PTPN3: variants seen among roughly 807,000 people sequenced by gnomAD.
PTPN3 encodes the protein tyrosine-protein phosphatase non-receptor type 3.
PTPN3 carries 96 observed loss-of-function variants against 132.7 expected under a neutral mutation model. The observed-to-expected ratio is 0.72, with a 90% CI of 0.61 to 0.86. The LOEUF (loss-of-function observed/expected upper bound fraction) is 0.86, where lower values mean the gene tolerates loss of function less well. Among genes scored for constraint, PTPN3 ranks in the 40% least tolerant of loss-of-function variants. The pLI, the probability that PTPN3 is intolerant of heterozygous loss-of-function variation, is 0.00. For missense variants in PTPN3, 1,125 were observed against 1,159.6 expected (o/e 0.97, Z 0.43); for synonymous variants, 398 against 429.0 (o/e 0.93, Z 0.89).
chr9:109,439,694 C>T (rs965340196), intron 7 of PTPN3, among the ~76,000 whole-genome samples: 9 of 152,182 alleles, frequency 5.9e-5, no homozygotes, highest in South Asian at 4.2e-4. Context: ...GGATCACCTG[C>T]GGTCAGAGGT....
chr9:109,483,662 C>T (rs768139791), intron 1 of PTPN3, among the ~76,000 whole-genome samples: 2 of 152,130 alleles, frequency 1.3e-5, no homozygotes, highest in Non-Finnish European at 2.9e-5. Flanking sequence ...TCACTCCATA[C>T]GTCTCCCAAA....
chr9:109,404,705 T>C, intron 18 of PTPN3, 97 bp from the exon 19 acceptor site: 1 of 1,288,450 alleles, frequency 7.8e-7, no homozygotes. Flanking sequence ...TGAATGCAGA[T>C]GGTTCAAAAC....
chr9:109,535,105 G>A, the PTPN3 span, among the ~76,000 whole-genome samples: 2 of 152,168 alleles, frequency 1.3e-5, no homozygotes, highest in Non-Finnish European at 2.9e-5. Flanking sequence ...GAAAAGATGG[G>A]CTTATGGTAT....
At chr9:109,468,278 T>C (rs370974032) in intron 1 of PTPN3, among the ~76,000 whole-genome samples, 5 of 152,252 alleles carry the variant, frequency 3.3e-5, no homozygotes, top group Admixed American at 6.5e-5. Context: ...AGCTTGTTCT[T>C]TGCATGAGTT....
chr9:109,493,262 A>G (rs1419379852), intron 1 of PTPN3, among the ~76,000 whole-genome samples: 3 of 152,144 alleles, frequency 2.0e-5, no homozygotes, highest in Admixed American at 2.0e-4. Context: ...ACAAACAAAC[A>G]AAAACCAAAA....
intron 10 of PTPN3, among the ~76,000 whole-genome samples, chr9:109,431,740 C>CT (rs1843677345): frequency 6.6e-6 from 1 of 152,160 alleles, no homozygotes; most frequent in African/African-American, 2.4e-5. Context: ...ACAAATACCA[C>CT]TTTTAGTGTT....
chr9:109,394,995 C>T (rs1173698590), intron 19 of PTPN3, among the ~76,000 whole-genome samples: 1 of 151,974 alleles, frequency 6.6e-6, no homozygotes, highest in African/African-American at 2.4e-5. Flanking sequence ...AAAAAATTAG[C>T]TGGGCGTGGC....
chr9:109,440,569 G>A (rs1844388544), intron 7 of PTPN3, among the ~76,000 whole-genome samples: 2 of 152,170 alleles, frequency 1.3e-5, no homozygotes, highest in Admixed American at 1.3e-4. Flanking sequence ...AGCCGCTGCT[G>A]GCCATTTGAT....
At chr9:109,488,829 C>T (rs1315088383) in intron 1 of PTPN3, among the ~76,000 whole-genome samples, 1 of 152,162 alleles carries the variant, frequency 6.6e-6, no homozygotes, top group East Asian at 1.9e-4. Context: ...TCCCTAGATG[C>T]TGGTTTCCTG....
chr9:109,406,728 T>C, intron 17 of PTPN3, 110 bp from the exon 18 acceptor site: 1 of 1,402,456 alleles, frequency 7.1e-7, no homozygotes, highest in South Asian at 1.3e-5. Context: ...CAAGTTTGCC[T>C]TCTCTCCCTC....
intron 1 of PTPN3, among the ~76,000 whole-genome samples, chr9:109,484,158 G>A (rs905234233): frequency 6.6e-6 from 1 of 152,114 alleles, no homozygotes; most frequent in Non-Finnish European, 1.5e-5. Flanking sequence ...CCTGCCCTGG[G>A]TGGCGCACAC....
At chr9:109,516,292 G>A in the PTPN3 span, among the ~76,000 whole-genome samples, 1 of 152,080 alleles carries the variant, frequency 6.6e-6, no homozygotes. Flanking sequence ...CTAATAGAAG[G>A]GACAGATAAA....
chr9:109,421,127 A>G (rs1842865848), intron 13 of PTPN3, among the ~76,000 whole-genome samples: 3 of 152,254 alleles, frequency 2.0e-5, no homozygotes, highest in African/African-American at 7.2e-5. Context: ...AAACACGTTT[A>G]TATGCATTAG....
At chr9:109,440,325 C>T (rs766161308) in intron 7 of PTPN3, among the ~76,000 whole-genome samples, 2 of 152,222 alleles carry the variant, frequency 1.3e-5, no homozygotes, top group African/African-American at 2.4e-5. Context: ...CAGGGTTAAG[C>T]GCACATGGTG....
intron 2 of PTPN3, among the ~76,000 whole-genome samples, chr9:109,460,043 C>T (rs1845764263): frequency 6.6e-6 from 1 of 152,134 alleles, no homozygotes; most frequent in South Asian, 2.1e-4. Context: ...TATCTCGTAC[C>T]ATTCCTATAC....
intron 14 of PTPN3, among the ~76,000 whole-genome samples, chr9:109,413,742 G>T (rs947493509): frequency 3.9e-5 from 6 of 152,124 alleles, no homozygotes; most frequent in Admixed American, 1.3e-4. Flanking sequence ...TAGGGAGAAA[G>T]GGGCAGAGAC....
At chr9:109,397,478 A>G (rs1840695502) in intron 19 of PTPN3, among the ~76,000 whole-genome samples, 1 of 152,188 alleles carries the variant, frequency 6.6e-6, no homozygotes, top group South Asian at 2.1e-4. Context: ...CAAAGAGCCC[A>G]CCCCAAGAGG....
At chr9:109,462,708 G>A (rs1025415140) in intron 2 of PTPN3, among the ~76,000 whole-genome samples, 3 of 151,914 alleles carry the variant, frequency 2.0e-5, no homozygotes, top group East Asian at 3.9e-4. Context: ...GCTCTGCCAC[G>A]GGCTTTAAGT....
At chr9:109,517,975 C>G in the PTPN3 span, among the ~76,000 whole-genome samples, 2 of 152,192 alleles carry the variant, frequency 1.3e-5, no homozygotes. Flanking sequence ...CAAGCAGGTC[C>G]TCTCTCCTGG....
Sources: allele counts gnomAD v4.1 joint callset (sites outside exome capture counted in the v4.1 genomes callset), GRCh38; gene constraint gnomAD v4.1.1; transcripts MANE v1.5; gene names NCBI Gene and HGNC (gene_info 2026-07-23, HGNC 2026-07-21).